Variants in TYW1B observed in about 807,000 individuals in gnomAD.
TYW1B encodes the protein S-adenosyl-L-methionine-dependent tRNA 4-demethylwyosine synthase TYW1B.
In TYW1B, 73 loss-of-function variants were observed where a neutral mutation model predicts 86.9. That is an observed-to-expected ratio of 0.84 (90% CI 0.70 to 1.02). TYW1B has a LOEUF of 1.02. Among genes scored for constraint, TYW1B ranks in the 50% least tolerant of loss-of-function variants. The pLI is 0.00. For synonymous variants in TYW1B, 248 were observed against 292.8 expected, an observed-to-expected ratio of 0.85 and a Z score of 1.56; for missense variants, 637 against 827.4, an observed-to-expected ratio of 0.77 and a Z score of 2.82.
At chr7:72,799,771 C>CT (rs1488548211) in intron 6 of TYW1B, among the ~76,000 whole-genome samples, 71 of 152,104 alleles carry the variant, frequency 4.7e-4, no homozygotes, top group South Asian at 1.7e-3. Flanking sequence ...GCAGGTCTGC[C>CT]TTTTTTTTAA....
chr7:72,789,418 G>A (rs548108147), intron 6 of TYW1B, among the ~76,000 whole-genome samples: 2 of 152,282 alleles, frequency 1.3e-5, no homozygotes, highest in East Asian at 1.9e-4. Flanking sequence ...TGATAGGCAT[G>A]AGCCACCAAG....
At chr7:72,704,952 A>C (rs1317108747) in intron 10 of TYW1B, among the ~76,000 whole-genome samples, 5 of 152,152 alleles carry the variant, frequency 3.3e-5, no homozygotes, top group Non-Finnish European at 5.9e-5. Context: ...CATGAATTCA[A>C]AGACAGGAGA....
At chr7:72,620,545 G>T (rs1434102002) in intron 12 of TYW1B, among the ~76,000 whole-genome samples, 1 of 151,994 alleles carries the variant, frequency 6.6e-6, no homozygotes, top group South Asian at 2.1e-4. Flanking sequence ...ACTTAGACTG[G>T]GGGTCACCTC....
chr7:72,598,877 C>T (rs1811594864), intron 13 of TYW1B, among the ~76,000 whole-genome samples: 1 of 152,106 alleles, frequency 6.6e-6, no homozygotes, highest in African/African-American at 2.4e-5. Context: ...GGAAGACAGA[C>T]AGACAGGTGG....
intron 7 of TYW1B, among the ~76,000 whole-genome samples, chr7:72,759,848 C>G (rs1787657667): frequency 6.6e-6 from 1 of 152,088 alleles, no homozygotes; most frequent in African/African-American, 2.4e-5. Flanking sequence ...TTAGGTTTGC[C>G]TAACTAGCAA....
intron 12 of TYW1B, among the ~76,000 whole-genome samples, chr7:72,622,666 GCACATACACATAA>G (rs1563034088): frequency 6.6e-6 from 1 of 151,370 alleles, no homozygotes; most frequent in East Asian, 1.9e-4. Flanking sequence ...ACACACACAT[GCACATACACATAA>G]CACATACACA....
chr7:72,793,495 C>T (rs1788255071), intron 6 of TYW1B, among the ~76,000 whole-genome samples: 1 of 152,042 alleles, frequency 6.6e-6, no homozygotes, highest in South Asian at 2.1e-4. Context: ...GCCTGTAATC[C>T]CAGCACTTTG....
Position 72,574,708 on chromosome 7 carries a change from T to C in TYW1B, c.*790A>G. 1.0e-6 allele frequency: 1 copy of C among 985,436 alleles called. No individual in the cohort carries two copies. Among genetic ancestry groups the C allele is most frequent in the Non-Finnish European group, 1.2e-6 (1 of 829,952 alleles). 61.0% of individuals were successfully genotyped at this position (985,436 alleles called of 1,614,324 possible). ...GGAGACCCGCCGTCTGGTCGTGATA[T>C]GAGAGGCCCGGACAGTGACCTCACG... On this transcript the variant is annotated 3_prime_UTR_variant, in exon 14 of 14. Transcript: ENST00000620995.
chr7:72,631,453 G>T (rs1812489476), intron 11 of TYW1B, among the ~76,000 whole-genome samples: 2 of 152,128 alleles, frequency 1.3e-5, no homozygotes, highest in Non-Finnish European at 2.9e-5. Context: ...AGCAGAGGTT[G>T]CAATGAGCCA....
intron 12 of TYW1B, among the ~76,000 whole-genome samples, chr7:72,617,102 T>G (rs1812095322): frequency 6.6e-6 from 1 of 152,240 alleles, no homozygotes; most frequent in African/African-American, 2.4e-5. Flanking sequence ...TGTCACAATC[T>G]AGGCTGTCTG....
chr7:72,642,566 A>T (rs1812826602), intron 11 of TYW1B, among the ~76,000 whole-genome samples: 1 of 152,212 alleles, frequency 6.6e-6, no homozygotes, highest in African/African-American at 2.4e-5. Flanking sequence ...GACAAAGAAA[A>T]TATAGTACAT....
intron 6 of TYW1B, among the ~76,000 whole-genome samples, chr7:72,790,616 C>T (rs1554473226): frequency 1.3e-5 from 2 of 152,208 alleles, no homozygotes; most frequent in Admixed American, 6.5e-5. Flanking sequence ...TGTCAACCTG[C>T]TGCCTTGGCT....
intron 8 of TYW1B, among the ~76,000 whole-genome samples, chr7:72,732,059 G>A (rs183541646): frequency 1.3e-4 from 16 of 122,770 alleles, no homozygotes; most frequent in Admixed American, 1.8e-4. Flanking sequence ...ATTGTGTAAC[G>A]ATAAAGGAAT....
intron 11 of TYW1B, among the ~76,000 whole-genome samples, chr7:72,652,336 CCACTGCACTCCAGCCTGGGCGA>C (rs1457856073): frequency 7.2e-6 from 1 of 139,398 alleles, no homozygotes; most frequent in Middle Eastern, 3.6e-3. Context: ...CGAGATTGCA[CCACTGCACTCCAGCCTGGGCGA>C]CAGAGCAAGA....
rs13245725 is a variant in TYW1B at position 72,813,733 on chromosome 7, G to A, written c.237+1647C>T. On this transcript the variant is annotated intron_variant, in intron 3 of 13. Transcript: ENST00000620995. ...AATCTTCATAGATATTAAGTAATGCGCCCAGGCACAGTGGCTCATGCCTGT... is the reference window on the plus strand; with the variant it reads ...AATCTTCATAGATATTAAGTAATGCACCCAGGCACAGTGGCTCATGCCTGT... 5.4e-4 allele frequency among the ~76,000 whole-genome samples: 82 copies of A among 152,230 alleles called. 1 individual carries two copies. In the East Asian group the frequency reaches 0.014, roughly 27 times the overall value.
chr7:72,729,367 T>A (rs1397297216), intron 8 of TYW1B, among the ~76,000 whole-genome samples: 5 of 152,012 alleles, frequency 3.3e-5, no homozygotes, highest in Admixed American at 6.6e-5. Context: ...GATGCAGGCC[T>A]GGGGAAAGGA....
intron 8 of TYW1B, among the ~76,000 whole-genome samples, chr7:72,740,943 G>T (rs1351249972): frequency 6.6e-6 from 1 of 151,906 alleles, no homozygotes; most frequent in African/African-American, 2.4e-5. Context: ...TGTTAGCCAG[G>T]ATGGTCTCAA....
intron 8 of TYW1B, among the ~76,000 whole-genome samples, chr7:72,741,028 C>G (rs1787295222): frequency 6.6e-6 from 1 of 151,998 alleles, no homozygotes. Context: ...CCATGCCAGG[C>G]CAAAATATGC....
chr7:72,755,349 G>A (rs1373645446), intron 7 of TYW1B, among the ~76,000 whole-genome samples: 1 of 152,178 alleles, frequency 6.6e-6, no homozygotes, highest in African/African-American at 2.4e-5. Context: ...AGCCAGGGAA[G>A]TCAAGGCTGC....
Sources: allele counts gnomAD v4.1 joint callset (sites outside exome capture counted in the v4.1 genomes callset), GRCh38; gene constraint gnomAD v4.1.1; transcripts MANE v1.5; gene names NCBI Gene and HGNC (gene_info 2026-07-23, HGNC 2026-07-21).